TAMM41: variants seen among roughly 807,000 people sequenced by gnomAD.
TAMM41 encodes phosphatidate cytidylyltransferase, mitochondrial.
A neutral mutation model predicts 44.1 loss-of-function variants in TAMM41; 36 were observed. That is an observed-to-expected ratio of 0.82 (90% CI 0.63 to 1.08). The LOEUF (loss-of-function observed/expected upper bound fraction) is 1.08, where lower values mean the gene tolerates loss of function less well. Ranked by LOEUF, TAMM41 falls within the 50% of genes least tolerant of loss-of-function variation. The pLI, the probability that TAMM41 is intolerant of heterozygous loss-of-function variation, is 0.00. For synonymous variants in TAMM41, 164 were observed against 153.1 expected (o/e 1.07, Z -0.53); for missense variants, 417 against 404.3 (o/e 1.03, Z -0.27).
intron 3 of TAMM41, 177 bp from the exon 4 acceptor site, chr3:11,830,041 T>C: frequency 1.8e-6 from 1 of 567,096 alleles, no homozygotes; most frequent in South Asian, 2.8e-5. Flanking sequence ...CCTTGTTTTA[T>C]GCCAAGGTCA....
At chr3:11,730,890 A>G in the TAMM41 span, among the ~76,000 whole-genome samples, 5 of 152,204 alleles carry the variant, frequency 3.3e-5, no homozygotes, top group African/African-American at 1.2e-4. Flanking sequence ...GAATGTGAGC[A>G]CCATGTTTAC....
the TAMM41 span, among the ~76,000 whole-genome samples, chr3:11,764,724 C>G: frequency 6.6e-6 from 1 of 151,658 alleles, no homozygotes; most frequent in East Asian, 2.0e-4. Context: ...GATCTCCTGA[C>G]CTTGTGATCC....
At chr3:11,740,123 A>G in the TAMM41 span, among the ~76,000 whole-genome samples, 4 of 152,182 alleles carry the variant, frequency 2.6e-5, no homozygotes, top group Non-Finnish European at 4.4e-5. Context: ...TTTACATTTT[A>G]TTTTAAATTA....
chr3:11,749,881 G>A, the TAMM41 span, among the ~76,000 whole-genome samples: 1 of 149,916 alleles, frequency 6.7e-6, no homozygotes, highest in African/African-American at 2.5e-5. Context: ...GCTTCATGGA[G>A]TGTCAATTTC....
the TAMM41 span, among the ~76,000 whole-genome samples, chr3:11,725,769 A>C: frequency 6.6e-6 from 1 of 152,104 alleles, no homozygotes; most frequent in Non-Finnish European, 1.5e-5. Flanking sequence ...AATCCATAGA[A>C]ATGATTGCCG....
At chr3:11,786,828 A>G (rs2124903292), downstream of TAMM41, among the ~76,000 whole-genome samples, 1 of 150,872 alleles carries the variant, frequency 6.6e-6, no homozygotes, top group African/African-American at 2.4e-5. Flanking sequence ...TCCTGGGCTC[A>G]AGCGATTTTC....
chr3:11,772,272 G>A, the TAMM41 span, among the ~76,000 whole-genome samples: 4 of 147,766 alleles, frequency 2.7e-5, no homozygotes, highest in African/African-American at 5.0e-5. Context: ...TAGTAGAGAC[G>A]GGCTTTCACC....
chr3:11,732,486 A>T, the TAMM41 span, among the ~76,000 whole-genome samples: 1 of 152,214 alleles, frequency 6.6e-6, no homozygotes, highest in Non-Finnish European at 1.5e-5. Flanking sequence ...AGGTGGGGAG[A>T]GAGATCATTA....
At chr3:11,827,636 GAA>G (rs373584134) in intron 4 of TAMM41, among the ~76,000 whole-genome samples, 160 of 52,040 alleles carry the variant, frequency 3.1e-3, no homozygotes, top group Middle Eastern at 0.015. Context: ...CAGAAAAGAG[GAA>G]AAAAAAAAAA....
chr3:11,810,815 A>C (rs1231878513), intron 5 of TAMM41: 3 of 152,142 alleles, frequency 2.0e-5, no homozygotes, highest in Non-Finnish European at 2.9e-5. Flanking sequence ...TGTAATCCCA[A>C]CAGTTTGGGA....
the TAMM41 span, among the ~76,000 whole-genome samples, chr3:11,741,216 CAAAA>C: frequency 1.7e-3 from 104 of 61,818 alleles, 3 homozygotes; most frequent in African/African-American, 6.4e-3. Flanking sequence ...GACACCGTCT[CAAAA>C]AAAAAAAAAA....
chr3:11,758,044 TC>T, the TAMM41 span, among the ~76,000 whole-genome samples: 8 of 152,072 alleles, frequency 5.3e-5, no homozygotes, highest in Admixed American at 6.6e-5. Context: ...AGAGGATGCC[TC>T]CCAGAGGAAC....
chr3:11,836,647 A>G (rs1011584578), intron 3 of TAMM41, among the ~76,000 whole-genome samples: 6 of 152,004 alleles, frequency 3.9e-5, no homozygotes, highest in African/African-American at 1.4e-4. Flanking sequence ...TATGTTCAGA[A>G]GATCTGGGGT....
intron 3 of TAMM41, among the ~76,000 whole-genome samples, chr3:11,832,416 G>T (rs2079018060): frequency 6.6e-6 from 1 of 152,158 alleles, no homozygotes; most frequent in Non-Finnish European, 1.5e-5. Context: ...ATCCAGAGAT[G>T]ATCTAAAATA....
intron 1 of TAMM41, 68 bp from the exon 2 acceptor site, chr3:11,844,279 A>C (rs2079576390): frequency 2.0e-6 from 3 of 1,474,242 alleles, no homozygotes; most frequent in Non-Finnish European, 9.3e-7. Context: ...GAGCATGGAA[A>C]AGCTCTAACA....
In TAMM41 at chr3:11,846,517, C is replaced by G. The variant is rs408600; in HGVS notation, c.120G>C (p.Pro40=). The G allele has an allele frequency of 0.45, 728,705 of 1,613,774 alleles. 167,235 individuals carry two copies. The highest frequency in any genetic ancestry group is 0.59 in the Middle Eastern group (3,584 of 6,062). ...CCGGGCTCACCTTCTGGTCTGAACT[C>G]GGCCCTGCCTGGCGGTACACCCCGG... ...YGSGVYRQAG[P]SSDQKNAMLD... is the part of the protein sequence containing the mutation. Residue 40 remains proline, a synonymous_variant, in exon 1 of 8, where the codon CCG becomes CCC. Coordinates refer to ENST00000455809, the MANE Select transcript of TAMM41 (RefSeq NM_001284401.2).
chr3:11,843,611 G>C (rs892100525), intron 2 of TAMM41: 3 of 156,900 alleles, frequency 1.9e-5, no homozygotes, highest in Non-Finnish European at 4.2e-5. Flanking sequence ...AGCTAACTGG[G>C]AGGCTGAGGC....
the TAMM41 span, among the ~76,000 whole-genome samples, chr3:11,760,393 G>C: frequency 6.6e-6 from 1 of 152,130 alleles, no homozygotes; most frequent in African/African-American, 2.4e-5. Flanking sequence ...CATAAACTTA[G>C]TTGTTAATAA....
intron 4 of TAMM41, among the ~76,000 whole-genome samples, chr3:11,825,356 G>C (rs1165965627): frequency 1.3e-5 from 2 of 152,168 alleles, no homozygotes; most frequent in African/African-American, 2.4e-5. Context: ...TGAGTAACCT[G>C]AGTTCCGGCT....
Sources: gnomAD v4.1 joint callset for allele counts (sites outside exome capture counted in the v4.1 genomes callset) on GRCh38, gnomAD v4.1.1 for gene constraint, MANE v1.5 for transcripts, NCBI Gene and HGNC (gene_info 2026-07-23, HGNC 2026-07-21) for gene names.